The following CPEB3 variants were observed in gnomAD, a reference collection of about 807,000 sequenced individuals.
CPEB3 encodes the protein cytoplasmic polyadenylation element binding protein 3, also known as cytoplasmic polyadenylation element-binding protein 3.
CPEB3 carries 20 observed loss-of-function variants against 67.2 expected under a neutral mutation model. The ratio of observed to expected loss-of-function variants is 0.30; its 90% CI spans 0.21 to 0.43. The LOEUF (loss-of-function observed/expected upper bound fraction) is 0.43, where lower values mean the gene tolerates loss of function less well. CPEB3 is among the 20% of genes least tolerant of loss of function. The pLI, the probability that CPEB3 is intolerant of heterozygous loss-of-function variation, is 1.00. For missense variants in CPEB3, 746 were observed against 968.6 expected, an observed-to-expected ratio of 0.77 and a Z score of 3.05; for synonymous variants, 376 against 393.1, an observed-to-expected ratio of 0.96 and a Z score of 0.51.
intron 9 of CPEB3, among the ~76,000 whole-genome samples, chr10:92,079,666 C>T (rs534108510): frequency 3.3e-5 from 5 of 152,248 alleles, no homozygotes; most frequent in Admixed American, 6.5e-5. Flanking sequence ...AGTTTTTGAT[C>T]GGATACATGT....
intron 6 of CPEB3, among the ~76,000 whole-genome samples, chr10:92,120,889 CG>C (rs1419638778): frequency 1.3e-5 from 2 of 151,668 alleles, no homozygotes; most frequent in African/African-American, 2.4e-5. Flanking sequence ...TTAGTAGAGA[CG>C]GGGTTTTGCC....
intron 9 of CPEB3, among the ~76,000 whole-genome samples, chr10:92,060,101 A>C (rs113597905): frequency 1.4e-4 from 22 of 152,248 alleles, no homozygotes; most frequent in African/African-American, 4.6e-4. Context: ...TCACTCCTGT[A>C]ATCCTAGCAC....
intron 1 of CPEB3, among the ~76,000 whole-genome samples, chr10:92,271,378 T>C (rs774624948): frequency 5.3e-5 from 8 of 152,204 alleles, no homozygotes; most frequent in African/African-American, 1.2e-4. Context: ...ATTTTAACAA[T>C]TGACACACTA....
chr10:92,134,154 A>T (rs1296339910), intron 6 of CPEB3, among the ~76,000 whole-genome samples: 1 of 152,212 alleles, frequency 6.6e-6, no homozygotes, highest in Non-Finnish European at 1.5e-5. Context: ...ATAGTGTTAG[A>T]AGTTCTGGCC....
At chr10:92,243,543 A>T (rs1470893689) in intron 1 of CPEB3, among the ~76,000 whole-genome samples, 1 of 152,210 alleles carries the variant, frequency 6.6e-6, no homozygotes, top group East Asian at 1.9e-4. Context: ...TGTAGTATTC[A>T]GAATAAATAA....
Position 92,049,128 on chromosome 10 carries a change from A to AC in CPEB3, c.*3083dup, listed in dbSNP as rs1480318603. ...AGCATGAAGAAAAGGTACATATTTG[A>AC]CAGTAGAAAAATGATTTCAGTGAAT... On this transcript the variant is annotated 3_prime_UTR_variant, in exon 10 of 10. Transcript: ENST00000265997. The AC allele has an allele frequency of 6.6e-6, 1 of 152,658 alleles. No individual in the cohort carries two copies. The highest frequency in any genetic ancestry group is 1.5e-5 in the Non-Finnish European group (1 of 68,040). 9.5% of individuals were successfully genotyped at this position (152,658 alleles called of 1,614,324 possible).
chr10:92,120,036 C>T lies in CPEB3; in HGVS notation c.1454-8842G>A, dbSNP rs373388536. Among the ~76,000 whole-genome samples, 11 of 131,568 alleles carry T rather than the reference C, an allele frequency of 8.4e-5. 1 individual carries two copies. The highest frequency in any genetic ancestry group is 4.6e-4 in the South Asian group (2 of 4,380). The allele number at this position is 131,568 out of a possible 152,430, so 86.3% of individuals were successfully genotyped here. The stretch of plus-strand genomic sequence containing the variant: ...TTGGGAGGCTGAGGCGGGCGGATCA[C>T]GAGGTCAGGAGATGGAGACCATCCT... On this transcript the variant is annotated intron_variant, in intron 6 of 9. Coordinates refer to ENST00000265997, the MANE Select transcript of CPEB3 (RefSeq NM_014912.5).
intron 2 of CPEB3, chr10:92,216,749 G>A (rs1367763093): frequency 1.2e-5 from 19 of 1,609,648 alleles, no homozygotes; most frequent in Non-Finnish European, 1.5e-5. Context: ...GGAGGCTTAC[G>A]ACGAGTGCCT....
chr10:92,257,078 G>A (rs1852547328), intron 1 of CPEB3, among the ~76,000 whole-genome samples: 1 of 152,178 alleles, frequency 6.6e-6, no homozygotes, highest in Non-Finnish European at 1.5e-5. Context: ...CATAGAATGT[G>A]TTCCAAAACC....
chr10:92,208,599 CTT>C (rs1297759358), intron 2 of CPEB3, among the ~76,000 whole-genome samples: 4 of 133,000 alleles, frequency 3.0e-5, no homozygotes, highest in Admixed American at 7.6e-5. Flanking sequence ...TTTTTTCTTT[CTT>C]TTTTTTTTTT....
At chr10:92,288,884 TTAAGAAA>T (rs1183475848) in intron 1 of CPEB3, among the ~76,000 whole-genome samples, 1 of 152,172 alleles carries the variant, frequency 6.6e-6, no homozygotes, top group African/African-American at 2.4e-5. Flanking sequence ...TGACAACTGC[TTAAGAAA>T]TAAGTACACA....
rs1852165355 is a variant in CPEB3 at position 92,048,208 on chromosome 10, G to A, written c.*4004C>T. 1 of 152,216 alleles carries A rather than the reference G, an allele frequency of 6.6e-6. No individual in the cohort carries two copies. The highest frequency in any genetic ancestry group is 1.5e-5 in the Non-Finnish European group (1 of 68,074). The allele number at this position is 152,216 out of a possible 1,614,324, so 9.4% of individuals were successfully genotyped here. On this transcript the variant is annotated 3_prime_UTR_variant, in exon 10 of 10. Coordinates refer to ENST00000265997, the MANE Select transcript of CPEB3 (RefSeq NM_014912.5). The surrounding 1 kb of genome is among the most constrained non-coding windows in gnomAD (Gnocchi z 4.1). Reference sequence around the variant, plus strand: ...CCTTACAGGGAGGCAGCATGAGTGAGACCCTGCAGGTGAGGTCTGCAGTAC... The same window carrying A: ...CCTTACAGGGAGGCAGCATGAGTGAAACCCTGCAGGTGAGGTCTGCAGTAC...
chr10:92,057,401 T>C (rs1842152980), intron 9 of CPEB3, among the ~76,000 whole-genome samples: 2 of 152,182 alleles, frequency 1.3e-5, no homozygotes, highest in Admixed American at 1.3e-4. Context: ...AAGACTGCAA[T>C]TGTGGTTTGA....
intron 6 of CPEB3, among the ~76,000 whole-genome samples, chr10:92,117,967 A>G (rs1024482357): frequency 1.1e-4 from 17 of 152,208 alleles, no homozygotes; most frequent in African/African-American, 4.1e-4. Context: ...GGAATTCTCA[A>G]ATTAAAACCC....
At chr10:92,177,468 T>G (rs1007558265) in intron 4 of CPEB3, among the ~76,000 whole-genome samples, 3 of 152,198 alleles carry the variant, frequency 2.0e-5, no homozygotes, top group African/African-American at 7.2e-5. Flanking sequence ...ATGTGCCTCT[T>G]GGGTTCCTCC....
intron 9 of CPEB3, among the ~76,000 whole-genome samples, chr10:92,066,177 T>C (rs1390486939): frequency 6.6e-6 from 1 of 152,050 alleles, no homozygotes; most frequent in Non-Finnish European, 1.5e-5. Context: ...TAATAATGTA[T>C]CAAAGTTCTC....
intron 2 of CPEB3, among the ~76,000 whole-genome samples, chr10:92,220,455 T>C (rs1025762803): frequency 2.0e-5 from 3 of 152,056 alleles, no homozygotes; most frequent in African/African-American, 2.4e-5. Flanking sequence ...TGCCATTCCA[T>C]AGATGGCATT....
At chr10:92,212,887 T>C (rs539544977) in intron 2 of CPEB3, among the ~76,000 whole-genome samples, 2 of 152,246 alleles carry the variant, frequency 1.3e-5, no homozygotes, top group African/African-American at 4.8e-5. Context: ...CTGGGCAACA[T>C]AGCAAGACCC....
chr10:92,229,000 C>T (rs1327874722), intron 2 of CPEB3, among the ~76,000 whole-genome samples: 1 of 151,964 alleles, frequency 6.6e-6, no homozygotes, highest in Non-Finnish European at 1.5e-5. Flanking sequence ...ACGTGAGCCA[C>T]CTCACCCAGC....
Sources: gnomAD v4.1 joint callset for allele counts (sites outside exome capture counted in the v4.1 genomes callset) on GRCh38, gnomAD v4.1.1 for gene constraint, Gnocchi (gnomAD v3.1) non-coding constraint, MANE v1.5 for transcripts, NCBI Gene and HGNC (gene_info 2026-07-23, HGNC 2026-07-21) for gene names.